NUBPL: variants seen among roughly 807,000 people sequenced by gnomAD.
NUBPL encodes iron-sulfur cluster transfer protein NUBPL.
A neutral mutation model predicts 45.7 loss-of-function variants in NUBPL; 31 were observed. The observed-to-expected ratio is 0.68, with a 90% CI of 0.51 to 0.92. NUBPL has a LOEUF of 0.92. Among genes scored for constraint, NUBPL ranks in the 40% least tolerant of loss-of-function variants. The probability of loss-of-function intolerance (pLI) is 0.00; values close to 1 mark genes in which losing one functional copy is unlikely to be tolerated. For missense variants in NUBPL, 401 were observed against 398.7 expected, an observed-to-expected ratio of 1.01 and a Z score of -0.05; for synonymous variants, 144 against 140.9, an observed-to-expected ratio of 1.02 and a Z score of -0.15.
chr14:31,645,972 A>T (rs971069494), intron 4 of NUBPL, among the ~76,000 whole-genome samples: 2 of 152,038 alleles, frequency 1.3e-5, no homozygotes, highest in African/African-American at 2.4e-5. Flanking sequence ...TAATCTTACC[A>T]GTGGGTTTTA....
At chr14:31,610,620 A>AAG (rs1357804590) in intron 4 of NUBPL, among the ~76,000 whole-genome samples, 2 of 150,300 alleles carry the variant, frequency 1.3e-5, no homozygotes, top group African/African-American at 4.9e-5. Flanking sequence ...AAAAAAAAAA[A>AAG]AAAAAAAAAA....
chr14:31,687,465 G>T (rs1047472000), intron 6 of NUBPL, among the ~76,000 whole-genome samples: 25 of 152,158 alleles, frequency 1.6e-4, no homozygotes, highest in Non-Finnish European at 1.2e-4. Context: ...GGTGCCATTA[G>T]CAGTCAAGAG....
intron 6 of NUBPL, chr14:31,686,747 A>C (rs181432321): frequency 6.6e-6 from 1 of 152,220 alleles, no homozygotes; most frequent in African/African-American, 2.4e-5. Context: ...GGGCCATGCT[A>C]ATTTTCCCTG....
intron 4 of NUBPL, among the ~76,000 whole-genome samples, chr14:31,651,754 C>G (rs1464528418): frequency 6.6e-6 from 1 of 151,874 alleles, no homozygotes; most frequent in East Asian, 1.9e-4. Context: ...AAAAAATTAG[C>G]CAGGTGTGGT....
intron 6 of NUBPL, among the ~76,000 whole-genome samples, chr14:31,769,387 G>A (rs1000927233): frequency 6.6e-6 from 1 of 152,220 alleles, no homozygotes; most frequent in Non-Finnish European, 1.5e-5. Context: ...AGGTTGGGGG[G>A]ACAATCTTCT....
intron 7 of NUBPL, among the ~76,000 whole-genome samples, chr14:31,807,788 T>G (rs2039718695): frequency 6.6e-6 from 1 of 152,216 alleles, no homozygotes; most frequent in Non-Finnish European, 1.5e-5. Context: ...CCATCTTGAA[T>G]TAATTTTTGT....
intron 6 of NUBPL, among the ~76,000 whole-genome samples, chr14:31,762,207 A>G (rs577530794): frequency 6.6e-6 from 1 of 152,322 alleles, no homozygotes; most frequent in African/African-American, 2.4e-5. Flanking sequence ...AGTATTGTGG[A>G]TAGGCCTTGA....
intron 6 of NUBPL, among the ~76,000 whole-genome samples, chr14:31,692,534 C>T (rs1319543239): frequency 6.6e-6 from 1 of 152,152 alleles, no homozygotes; most frequent in Non-Finnish European, 1.5e-5. Flanking sequence ...TCAGTATCCC[C>T]AAATGTGAAG....
chr14:31,803,807 A>G (rs4981126), intron 7 of NUBPL, among the ~76,000 whole-genome samples: 57,837 of 152,132 alleles, frequency 0.38, 12,152 homozygotes, highest in South Asian at 0.47. Flanking sequence ...ATCTTTTAAG[A>G]CATTCCTGGA....
intron 6 of NUBPL, among the ~76,000 whole-genome samples, chr14:31,701,687 AG>A (rs1239995012): frequency 1.3e-5 from 2 of 152,180 alleles, no homozygotes; most frequent in African/African-American, 4.8e-5. Flanking sequence ...CTCACTGTGA[AG>A]GTCTGTAGCT....
chr14:31,760,144 T>TGTGTGTGTGAGAGAGA lies in NUBPL; in HGVS notation c.514-27635_514-27634insTGTGTGTGAGAGAGAG. 1.5e-3 allele frequency among the ~76,000 whole-genome samples: 51 copies of TGTGTGTGTGAGAGAGA among 34,832 alleles called. 2 individuals are homozygous for TGTGTGTGTGAGAGAGA. The highest frequency in any genetic ancestry group is 0.038 in the Middle Eastern group (1 of 26). The allele number at this position is 34,832 out of a possible 152,430, so 22.9% of individuals were successfully genotyped here. ...TGACTTTAGTGTGTGTGTGTGTGTG[T>TGTGTGTGTGAGAGAGA]GAGAGAGAGAGAGAGAGAGAGAGAG... On this transcript the variant is annotated intron_variant, in intron 6 of 10. Transcript: ENST00000281081.
chr14:31,812,293 TCCA>T (rs560650854), intron 7 of NUBPL, among the ~76,000 whole-genome samples: 131 of 152,310 alleles, frequency 8.6e-4, no homozygotes, highest in African/African-American at 3.0e-3. Context: ...TGTGGTGGGC[TCCA>T]CCTAGTTCCA....
rs932074986 is a variant in NUBPL, at chr14:31,673,690, T to TA, written c.513+118dup. On this transcript the variant is annotated intron_variant, in intron 6 of 10. Coordinates refer to ENST00000281081, the MANE Select transcript of NUBPL (RefSeq NM_025152.3). ...GGAATCAGTTGATGGGATGAATGTATAATGCGTAATATGGCACCTAATGAG... is the reference window on the plus strand; with the variant it reads ...GGAATCAGTTGATGGGATGAATGTATAAATGCGTAATATGGCACCTAATGAG... The TA allele has an allele frequency of 3.3e-5, 28 of 860,154 alleles. No individual in the cohort carries two copies. The Admixed American group carries it at 5.3e-4, about 16-fold the overall frequency. 53.3% of individuals were successfully genotyped at this position (860,154 alleles called of 1,614,324 possible). A position where few individuals can be genotyped will look rare whatever the true frequency, so the allele number is the denominator to read the frequency against.
At chr14:31,569,733 T>C (rs983188413) in intron 3 of NUBPL, among the ~76,000 whole-genome samples, 5 of 152,170 alleles carry the variant, frequency 3.3e-5, no homozygotes, top group Non-Finnish European at 5.9e-5. Flanking sequence ...ACTCGTATCA[T>C]GTTGTTAGCT....
chr14:31,758,473 T>C (rs2038723786), intron 6 of NUBPL, among the ~76,000 whole-genome samples: 1 of 152,190 alleles, frequency 6.6e-6, no homozygotes, highest in Non-Finnish European at 1.5e-5. Flanking sequence ...AAATTTTCTC[T>C]TAGCATTTAT....
chr14:31,643,649 A>C (rs1238171359), intron 4 of NUBPL, among the ~76,000 whole-genome samples: 1 of 151,970 alleles, frequency 6.6e-6, no homozygotes, highest in African/African-American at 2.4e-5. Flanking sequence ...GTATCAGGGT[A>C]ATTCTGGCCT....
At chr14:31,653,222 T>C (rs900963859) in intron 4 of NUBPL, among the ~76,000 whole-genome samples, 6 of 152,192 alleles carry the variant, frequency 3.9e-5, no homozygotes, top group African/African-American at 1.4e-4. Flanking sequence ...TTGATAAACA[T>C]CTTAAACAAC....
chr14:31,861,198 T>TA lies in NUBPL; in HGVS notation c.*2023dup, dbSNP rs1326321889. ...ATGTAAATCTACAATTATCTCAAAA[T>TA]AAAAATAAAAGTTAAAAAAACACAA... On this transcript the variant is annotated 3_prime_UTR_variant, in exon 11 of 11. Transcript: ENST00000281081. The TA allele has an allele frequency of 7.9e-5, 12 of 152,208 alleles. 1 individual carries two copies. The highest frequency in any genetic ancestry group is 7.2e-4 in the Admixed American group (11 of 15,284). The allele number at this position is 152,208 out of a possible 1,614,324, so 9.4% of individuals were successfully genotyped here.
chr14:31,690,892 TA>T (rs2037077838), intron 6 of NUBPL, among the ~76,000 whole-genome samples: 1 of 152,172 alleles, frequency 6.6e-6, no homozygotes, highest in African/African-American at 2.4e-5. Context: ...GAAGAATTAG[TA>T]GAAGAAACTG....
Sources: allele counts gnomAD v4.1 joint callset (sites outside exome capture counted in the v4.1 genomes callset), GRCh38; gene constraint gnomAD v4.1.1; transcripts MANE v1.5; gene names NCBI Gene and HGNC (gene_info 2026-07-23, HGNC 2026-07-21).